GRIP1: variants seen among roughly 807,000 people sequenced by gnomAD.
GRIP1 encodes the protein glutamate receptor interacting protein 1.
In GRIP1, 45 loss-of-function variants were observed where a neutral mutation model predicts 129.9. The observed-to-expected ratio is 0.35, with a 90% CI of 0.27 to 0.44. The LOEUF (loss-of-function observed/expected upper bound fraction) is 0.44. GRIP1 is among the 20% of genes least tolerant of loss of function. The pLI is 1.00. For missense variants in GRIP1, 1,196 were observed against 1,396.8 expected, an observed-to-expected ratio of 0.86 and a Z score of 2.29; for synonymous variants, 530 against 520.8, an observed-to-expected ratio of 1.02 and a Z score of -0.24.
intron 1 of GRIP1, among the ~76,000 whole-genome samples, chr12:66,939,028 G>GT (rs1257140453): frequency 2.2e-5 from 2 of 92,680 alleles, no homozygotes; most frequent in African/African-American, 7.2e-5. Flanking sequence ...GAAAAAGGGG[G>GT]TATAGTTGAG....
At chr12:66,652,570 G>A (rs989116646) in intron 1 of GRIP1, among the ~76,000 whole-genome samples, 3 of 152,182 alleles carry the variant, frequency 2.0e-5, no homozygotes, top group African/African-American at 7.2e-5. Context: ...CTGATGCTGT[G>A]GGAGAGAAGA....
chr12:66,821,377 G>A (rs1457365230), intron 1 of GRIP1, among the ~76,000 whole-genome samples: 6 of 152,142 alleles, frequency 3.9e-5, no homozygotes, highest in Admixed American at 1.3e-4. Flanking sequence ...GATGACTAAA[G>A]ATCTTCATAA....
At position 66,897,276 on chromosome 12, in the gene GRIP1, C is replaced by A. The variant is rs371725328; in HGVS notation, c.58+171774G>T. Among the ~76,000 whole-genome samples, 14 of 152,236 alleles carry A rather than the reference C, an allele frequency of 9.2e-5. No homozygotes were observed. In the East Asian group the frequency reaches 9.7e-4, roughly 10 times the overall value. On this transcript the variant is annotated intron_variant, in intron 1 of 1. Coordinates refer to the GRIP1 transcript ENST00000643019. ...AGCGCTCACTGAAAGTGCCCTAAAG[C>A]CCTGCCCCAAGAGCTAAGAATCACA...
chr12:66,655,893 C>G lies in GRIP1; in HGVS notation c.55+22957G>C, dbSNP rs150516795. Among the ~76,000 whole-genome samples the G allele has an allele frequency of 1.7e-3, 257 of 152,232 alleles. 1 individual carries two copies. Among genetic ancestry groups the G allele is most frequent in the African/African-American group, 5.9e-3 (246 of 41,550 alleles). On this transcript the variant is annotated intron_variant, in intron 1 of 24. Coordinates refer to ENST00000359742, the MANE Select transcript of GRIP1 (RefSeq NM_001366722.1). Reference sequence around the variant, plus strand: ...GGATTACAGGTGTGAGCCACCGCACCTGGCCTTCTGTACTTTTATGCTTTG... The same window carrying G: ...GGATTACAGGTGTGAGCCACCGCACGTGGCCTTCTGTACTTTTATGCTTTG...
At chr12:66,696,840 T>C (rs2035182728) in intron 1 of GRIP1, among the ~76,000 whole-genome samples, 1 of 148,448 alleles carries the variant, frequency 6.7e-6, no homozygotes, top group Non-Finnish European at 1.5e-5. Flanking sequence ...AAAGAATTAC[T>C]GTTATAGATT....
intron 1 of GRIP1, among the ~76,000 whole-genome samples, chr12:66,983,794 A>C (rs2042271913): frequency 6.6e-6 from 1 of 152,178 alleles, no homozygotes; most frequent in African/African-American, 2.4e-5. Context: ...GAAGTGATTA[A>C]ATAGTATTGC....
intron 1 of GRIP1, among the ~76,000 whole-genome samples, chr12:67,049,865 G>A (rs2043313331): frequency 6.6e-6 from 1 of 151,796 alleles, no homozygotes. Context: ...TTAACAGTAT[G>A]GTGATAATGG....
At chr12:66,628,313 T>C (rs2030334763) in intron 1 of GRIP1, among the ~76,000 whole-genome samples, 1 of 152,162 alleles carries the variant, frequency 6.6e-6, no homozygotes, top group Non-Finnish European at 1.5e-5. Flanking sequence ...CAATAAAAAT[T>C]CCTTGAGTTC....
intron 1 of GRIP1, among the ~76,000 whole-genome samples, chr12:67,067,405 T>C (rs1201346873): frequency 2.0e-5 from 3 of 152,204 alleles, no homozygotes; most frequent in South Asian, 2.1e-4. Context: ...ATTTAGTTGA[T>C]AGGACAGTCA....
At chr12:66,540,975 A>AT (rs1359276949) in intron 3 of GRIP1, among the ~76,000 whole-genome samples, 5 of 148,608 alleles carry the variant, frequency 3.4e-5, no homozygotes, top group South Asian at 2.1e-4. Context: ...TTTTTTTTTA[A>AT]TTTTTTTTTT....
intron 19 of GRIP1, 41 bp downstream of exon 19, chr12:66,392,267 C>A: frequency 8.3e-7 from 1 of 1,207,110 alleles, no homozygotes; most frequent in Non-Finnish European, 1.2e-6. Context: ...GCATGGGCTT[C>A]AACAATGACA....
rs1373793365 is a variant in GRIP1, at chr12:66,427,930, G to T, written c.1768+4618C>A. On this transcript the variant is annotated intron_variant, in intron 14 of 24. Coordinates refer to ENST00000359742, the MANE Select transcript of GRIP1 (RefSeq NM_001366722.1). ...CCTTTTGGGGCCAAACCAATGTAAA[G>T]TCTCCATGTATTGATTTATGACTTT... 2.6e-5 allele frequency among the ~76,000 whole-genome samples: 4 copies of T among 152,260 alleles called. No individual in the cohort carries two copies. The South Asian group carries it at 8.3e-4, about 32-fold the overall frequency.
At chr12:66,999,200 T>C (rs1028614082) in intron 1 of GRIP1, among the ~76,000 whole-genome samples, 1 of 152,154 alleles carries the variant, frequency 6.6e-6, no homozygotes, top group African/African-American at 2.4e-5. Context: ...ATAAGAGTTT[T>C]AATGTGCTGT....
intron 1 of GRIP1, among the ~76,000 whole-genome samples, chr12:66,695,196 G>A (rs1263467960): frequency 6.6e-6 from 1 of 152,126 alleles, no homozygotes; most frequent in South Asian, 2.1e-4. Context: ...CATGTGTGAG[G>A]AGGAGCCTTG....
intron 1 of GRIP1, among the ~76,000 whole-genome samples, chr12:66,997,227 T>C (rs906718611): frequency 2.0e-5 from 3 of 152,162 alleles, no homozygotes; most frequent in South Asian, 4.2e-4. Context: ...ATGTCATACA[T>C]AGAGCATATG....
At chr12:66,430,551 A>G (rs1266105410) in intron 14 of GRIP1, among the ~76,000 whole-genome samples, 1 of 152,156 alleles carries the variant, frequency 6.6e-6, no homozygotes, top group Non-Finnish European at 1.5e-5. Flanking sequence ...ATAATATTAA[A>G]TGATTCTTCA....
At chr12:66,612,599 C>T (rs1402068225) in intron 1 of GRIP1, among the ~76,000 whole-genome samples, 1 of 152,068 alleles carries the variant, frequency 6.6e-6, no homozygotes, top group African/African-American at 2.4e-5. Context: ...ACTGCCACTG[C>T]ACTCCAGCCT....
rs564709124 is a variant in GRIP1, at chr12:66,566,311, T to C, written c.137-24361A>G. Among the ~76,000 whole-genome samples the C allele has an allele frequency of 2.0e-5, 3 of 152,336 alleles. No homozygotes were observed. The South Asian group carries it at 6.2e-4, about 32-fold the overall frequency. ...TATGTCCCATCAATACCTAATTTAT[T>C]GAGAGTTTTTAGCATGAAGGTTGTT... On this transcript the variant is annotated intron_variant, in intron 2 of 24. Transcript: ENST00000359742.
At chr12:66,430,651 C>T (rs1247191168) in intron 14 of GRIP1, among the ~76,000 whole-genome samples, 1 of 152,162 alleles carries the variant, frequency 6.6e-6, no homozygotes, top group African/African-American at 2.4e-5. Context: ...ATAAGAAATA[C>T]ACCATAGGGT....
Sources: gnomAD v4.1 joint callset for allele counts (sites outside exome capture counted in the v4.1 genomes callset) on GRCh38, gnomAD v4.1.1 for gene constraint, MANE v1.5 for transcripts, NCBI Gene and HGNC (gene_info 2026-07-23, HGNC 2026-07-21) for gene names.